Variants in PYROXD2 observed in about 807,000 individuals in gnomAD.
PYROXD2 encodes pyridine nucleotide-disulfide oxidoreductase domain-containing protein 2.
In PYROXD2, 69 loss-of-function variants were observed where a neutral mutation model predicts 71.1. The ratio of observed to expected loss-of-function variants is 0.97; its 90% CI spans 0.80 to 1.19. The LOEUF is 1.19. Among genes scored for constraint, PYROXD2 ranks in the 50% most tolerant of loss-of-function variants. The probability of loss-of-function intolerance (pLI) is 0.00; values close to 1 mark genes in which losing one functional copy is unlikely to be tolerated. For missense variants in PYROXD2, 745 were observed against 748.9 expected (o/e 0.99, Z 0.06); for synonymous variants, 287 against 302.7 (o/e 0.95, Z 0.54).
rs761456835 is a variant in PYROXD2 at position 98,395,181 on chromosome 10, A to G, written c.785+15T>C. On this transcript the variant is annotated intron_variant, in intron 8 of 15. Coordinates refer to ENST00000370575, the MANE Select transcript of PYROXD2 (RefSeq NM_032709.3). ...ATGCCCCACTCCTGTGTCCCACCTCACCCCCCTCACTCACCCACTCCCCGG... is the reference window on the plus strand; with the variant it reads ...ATGCCCCACTCCTGTGTCCCACCTCGCCCCCCTCACTCACCCACTCCCCGG... 64 of 1,607,558 alleles carry G rather than the reference A, an allele frequency of 4.0e-5. No individual in the cohort carries two copies. The African/African-American group carries it at 8.0e-4, about 20-fold the overall frequency.
At chr10:98,390,798 C>T in intron 11 of PYROXD2, 44 bp from the exon 12 acceptor site, 1 of 1,537,462 alleles carries the variant, frequency 6.5e-7, no homozygotes, top group South Asian at 1.2e-5. Flanking sequence ...CCCACAAGGT[C>T]CTCCCTCTAC....
intron 8 of PYROXD2, among the ~76,000 whole-genome samples, 166 bp from the exon 9 acceptor site, chr10:98,393,249 C>T (rs907581462): frequency 6.6e-6 from 1 of 152,048 alleles, no homozygotes; most frequent in African/African-American, 2.4e-5. Flanking sequence ...AGCCCTTTGC[C>T]TTCTCTACAC....
At chr10:98,400,280 G>A (rs1843348847) in intron 4 of PYROXD2, 23 bp from the exon 5 acceptor site, 2 of 1,591,456 alleles carry the variant, frequency 1.3e-6, no homozygotes. Flanking sequence ...AATAGCATGG[G>A]CCACATATTA....
Position 98,387,243 on chromosome 10 carries a change from G to C in PYROXD2, c.1512C>G (p.Leu504=). 6.2e-7 allele frequency: 1 copy of C among 1,614,204 alleles called. No homozygotes were observed. The highest frequency in any genetic ancestry group is 8.5e-7 in the Non-Finnish European group (1 of 1,180,034). ...FKDSVVGRDI[L]TPPDLERIFG... is the part of the protein sequence containing the mutation. Reference sequence around the variant, plus strand: ...AGATTCTCTCCAAATCTGGTGGTGTGAGGATGTCTCTGCCAACCACAGAGT... The same window carrying C: ...AGATTCTCTCCAAATCTGGTGGTGTCAGGATGTCTCTGCCAACCACAGAGT... The change falls in exon 14 of 16, where the codon CTC becomes CTG. Residue 504 remains leucine (L), a synonymous_variant. Coordinates refer to ENST00000370575, the MANE Select transcript of PYROXD2 (RefSeq NM_032709.3).
chr10:98,389,577 C>T (rs56230853), intron 12 of PYROXD2, among the ~76,000 whole-genome samples: 1 of 152,302 alleles, frequency 6.6e-6, no homozygotes, highest in Non-Finnish European at 1.5e-5. Flanking sequence ...GGCCTCGTCC[C>T]TGTGCCTCCT....
At chr10:98,394,521 C>A (rs1184338745) in intron 8 of PYROXD2, among the ~76,000 whole-genome samples, 1 of 149,862 alleles carries the variant, frequency 6.7e-6, no homozygotes, top group Non-Finnish European at 1.5e-5. Context: ...ACGGCCCAAC[C>A]CTTGGCTGCA....
At chr10:98,412,331 C>A (rs1843814796) in intron 1 of PYROXD2, among the ~76,000 whole-genome samples, 1 of 152,192 alleles carries the variant, frequency 6.6e-6, no homozygotes, top group Non-Finnish European at 1.5e-5. Context: ...CACCTCTGTT[C>A]CCTTGAAGAG....
chr10:98,387,597 T>G (rs1156949626), intron 13 of PYROXD2, among the ~76,000 whole-genome samples: 2 of 151,644 alleles, frequency 1.3e-5, no homozygotes, highest in Non-Finnish European at 2.9e-5. Flanking sequence ...TATGCAGCTT[T>G]TTTCACCTCT....
intron 9 of PYROXD2, 40 bp from the exon 10 acceptor site, chr10:98,392,606 G>A (rs202135568): frequency 2.6e-5 from 41 of 1,603,630 alleles, no homozygotes; most frequent in Non-Finnish European, 3.2e-5. Flanking sequence ...ACCGCAGGAA[G>A]GGAAATCCAT....
intron 6 of PYROXD2, among the ~76,000 whole-genome samples, chr10:98,396,932 T>G (rs57226141): frequency 0.015 from 2,287 of 152,262 alleles, 56 homozygotes; most frequent in African/African-American, 0.051. Flanking sequence ...ATATTTCCCT[T>G]TCCATCTCCC....
rs144381490 is a variant in PYROXD2 at position 98,385,047 on chromosome 10, C to T, written c.1575G>A (p.Met525Ile). Residue 525 changes from methionine to isoleucine, a missense_variant, in exon 15 of 16, where the codon ATG becomes ATA. Transcript: ENST00000370575. ...GGGCGAAGTAGAGCTGGTCCAGGGA[C>T]ATGGCGCAGTGGAATATGTTCTGCA... ...LPGGNIFHCA[M>I]SLDQLYFARP... is the part of the protein sequence containing the mutation. 312 of 1,613,782 alleles carry T rather than the reference C, an allele frequency of 1.9e-4. No individual in the cohort carries two copies. Among genetic ancestry groups the T allele is most frequent in the Non-Finnish European group, 2.6e-4 (304 of 1,179,924 alleles).
intron 1 of PYROXD2, 85 bp downstream of exon 1, chr10:98,414,924 G>A: frequency 6.5e-7 from 1 of 1,543,134 alleles, no homozygotes; most frequent in Non-Finnish European, 8.8e-7. Context: ...GTGGGGCTTG[G>A]CTCCCCCTCC....
intron 9 of PYROXD2, 79 bp from the exon 10 acceptor site, chr10:98,392,645 G>T: frequency 5.1e-6 from 8 of 1,571,914 alleles, no homozygotes; most frequent in Non-Finnish European, 6.9e-6. Flanking sequence ...TCCATGGTCT[G>T]TGCTGCTCCT....
rs1843233542 is a variant in PYROXD2, at chr10:98,397,556, C to T, written c.472-58G>A. 4 of 1,476,860 alleles carry T rather than the reference C, an allele frequency of 2.7e-6. No individual in the cohort carries two copies. In the East Asian group the frequency reaches 1.0e-4, roughly 37 times the overall value. 91.5% of individuals were successfully genotyped at this position (1,476,860 alleles called of 1,614,324 possible). A position where few individuals can be genotyped will look rare whatever the true frequency, so the allele number is the denominator to read the frequency against. ...TCCACATCCCTGCCCTCCATGCTGTCCCCAGATGGCCTGTCACCCCCCCAC... is the reference window on the plus strand; with the variant it reads ...TCCACATCCCTGCCCTCCATGCTGTTCCCAGATGGCCTGTCACCCCCCCAC... On this transcript the variant is annotated intron_variant, in intron 5 of 15. Transcript: ENST00000370575.
At chr10:98,400,524 G>A (rs370736894) in intron 4 of PYROXD2, among the ~76,000 whole-genome samples, 12 of 151,590 alleles carry the variant, frequency 7.9e-5, no homozygotes, top group African/African-American at 2.4e-4. Context: ...CATACACCAC[G>A]CCATGCCATG....
At position 98,400,294 on chromosome 10, in the gene PYROXD2, G is replaced by T. The variant is rs768846447; in HGVS notation, c.316-37C>A. On this transcript the variant is annotated intron_variant, in intron 4 of 15. Coordinates refer to ENST00000370575, the MANE Select transcript of PYROXD2 (RefSeq NM_032709.3). ...AAATAGCATGGGCCACATATTAATG[G>T]CTCTGTGGTCTCTGCCCATCATCTT... 13 of 1,570,340 alleles carry T rather than the reference G, an allele frequency of 8.3e-6. No individual in the cohort carries two copies. In the Admixed American group the frequency reaches 1.1e-4, roughly 13 times the overall value.
intron 1 of PYROXD2, chr10:98,411,936 AG>A (rs1394690635): frequency 6.6e-6 from 1 of 152,228 alleles, no homozygotes; most frequent in Non-Finnish European, 1.5e-5. Context: ...ACAATCCGCC[AG>A]TGGGACTCAT....
intron 10 of PYROXD2, among the ~76,000 whole-genome samples, 155 bp downstream of exon 10, chr10:98,392,277 G>A (rs59410933): frequency 0.054 from 8,140 of 152,080 alleles, 247 homozygotes; most frequent in East Asian, 0.12. Context: ...CTTCTTCCCC[G>A]TTTGCTACCT....
chr10:98,399,785 G>A (rs1452176128), intron 5 of PYROXD2, among the ~76,000 whole-genome samples: 1 of 152,236 alleles, frequency 6.6e-6, no homozygotes, highest in Admixed American at 6.5e-5. Flanking sequence ...GGGGCATGAA[G>A]CACACGCCAG....
Sources: allele counts gnomAD v4.1 joint callset (sites outside exome capture counted in the v4.1 genomes callset), GRCh38; gene constraint gnomAD v4.1.1; transcripts MANE v1.5; gene names NCBI Gene and HGNC (gene_info 2026-07-23, HGNC 2026-07-21).